Variants in AHI1 observed in about 807,000 individuals in gnomAD.
AHI1 encodes the protein Abelson helper integration site 1, also known as jouberin.
A neutral mutation model predicts 149.3 loss-of-function variants in AHI1; 123 were observed. The ratio of observed to expected loss-of-function variants is 0.82; its 90% CI spans 0.71 to 0.96. AHI1 has a LOEUF of 0.96. AHI1 is among the 40% of genes least tolerant of loss of function. AHI1 has a pLI of 0.00. For synonymous variants in AHI1, 475 were observed against 459.8 expected, an observed-to-expected ratio of 1.03 and a Z score of -0.42; for missense variants, 1,439 against 1,422.7, an observed-to-expected ratio of 1.01 and a Z score of -0.18.
chr6:135,298,338 A>C (rs1216096194), intron 27 of AHI1, among the ~76,000 whole-genome samples: 9 of 151,902 alleles, frequency 5.9e-5, no homozygotes, highest in Admixed American at 2.6e-4. Context: ...AAAAAAAAAA[A>C]AAAACAAAAA....
At chr6:135,468,194 G>A (rs1156873416) in intron 5 of AHI1, among the ~76,000 whole-genome samples, 1 of 151,862 alleles carries the variant, frequency 6.6e-6, no homozygotes, top group Non-Finnish European at 1.5e-5. Context: ...GGTAAATTAT[G>A]GTGCCACAGC....
chr6:135,332,407 A>C (rs1285871794), intron 24 of AHI1, among the ~76,000 whole-genome samples: 1 of 152,108 alleles, frequency 6.6e-6, no homozygotes, highest in Admixed American at 6.5e-5. Flanking sequence ...AGAAGACTTT[A>C]CTCTAGGGAT....
chr6:135,460,830 ACT>A (rs910419455), intron 8 of AHI1, among the ~76,000 whole-genome samples: 3 of 152,110 alleles, frequency 2.0e-5, no homozygotes, highest in Non-Finnish European at 2.9e-5. Flanking sequence ...GGAAAAAGAC[ACT>A]CTCTTCAGTA....
chr6:135,451,004 C>CT (rs1418429535), intron 11 of AHI1, among the ~76,000 whole-genome samples: 53 of 115,736 alleles, frequency 4.6e-4, no homozygotes, highest in Non-Finnish European at 3.0e-4. Flanking sequence ...ATGCCACTTC[C>CT]CTTTTTTTTT....
chr6:135,490,868 G>C lies in AHI1; in HGVS notation c.11-121C>G, dbSNP rs1795161512. The C allele has an allele frequency of 2.5e-6, 3 of 1,188,338 alleles. No homozygotes were observed. In the East Asian group the frequency reaches 7.3e-5, roughly 29 times the overall value. The allele number at this position is 1,188,338 out of a possible 1,614,324, so 73.6% of individuals were successfully genotyped here. A position where few individuals can be genotyped will look rare whatever the true frequency, so the allele number is the denominator to read the frequency against. On this transcript the variant is annotated intron_variant, in intron 4 of 28. Transcript: ENST00000265602. ...CGGCATGAGTTCTCTAGCTACATTA[G>C]AAAAACTCACCTATCTTTCCTTCTT...
chr6:135,441,797 GTGA>G (rs1184231069), intron 14 of AHI1, among the ~76,000 whole-genome samples: 1 of 151,946 alleles, frequency 6.6e-6, no homozygotes, highest in Non-Finnish European at 1.5e-5. Flanking sequence ...AACGACACAA[GTGA>G]TTTTTTATTT....
intron 7 of AHI1, among the ~76,000 whole-genome samples, chr6:135,463,997 T>C (rs1220352407): frequency 6.6e-6 from 1 of 152,144 alleles, no homozygotes; most frequent in Non-Finnish European, 1.5e-5. Flanking sequence ...GGTGAGTCAC[T>C]ACATTTTCAG....
At chr6:135,366,217 T>G (rs1488602543) in intron 23 of AHI1, among the ~76,000 whole-genome samples, 1 of 152,106 alleles carries the variant, frequency 6.6e-6, no homozygotes, top group Non-Finnish European at 1.5e-5. Flanking sequence ...GCATTTATGT[T>G]AATCAGGGAT....
chr6:135,382,098 T>C (rs1325960178), intron 23 of AHI1, among the ~76,000 whole-genome samples: 1 of 152,194 alleles, frequency 6.6e-6, no homozygotes, highest in Non-Finnish European at 1.5e-5. Context: ...TAGAGAAAGT[T>C]GAGGAAAAAA....
At chr6:135,351,623 C>T (rs889563827) in intron 24 of AHI1, among the ~76,000 whole-genome samples, 2 of 152,152 alleles carry the variant, frequency 1.3e-5, no homozygotes, top group Non-Finnish European at 2.9e-5. Context: ...TAGCTCAGAG[C>T]GGCCAGAGTG....
At chr6:135,377,194 T>C (rs1438532989) in intron 23 of AHI1, among the ~76,000 whole-genome samples, 4 of 152,060 alleles carry the variant, frequency 2.6e-5, no homozygotes, top group South Asian at 2.1e-4. Context: ...CTTTAGCAAA[T>C]GTATGATGAA....
At position 135,356,755 on chromosome 6, in the gene AHI1, T is replaced by C. The variant is rs1288364591; in HGVS notation, c.3165+1377A>G. On this transcript the variant is annotated intron_variant, in intron 24 of 28. Coordinates refer to ENST00000265602, the MANE Select transcript of AHI1 (RefSeq NM_001134831.2). ...TAAAGGATAACTGAAACATACATAC[T>C]ACAGTCAAGTTCTTTTTAATGATTA... Among the ~76,000 whole-genome samples, 60 of 152,168 alleles carry C rather than the reference T, an allele frequency of 3.9e-4. 3 individuals carry two copies. Among genetic ancestry groups the C allele is most frequent in the Non-Finnish European group, 2.9e-5 (2 of 68,028 alleles).
At chr6:135,466,399 A>G (rs1401332962) in intron 6 of AHI1, 26 bp from the exon 7 acceptor site, 2 of 1,584,952 alleles carry the variant, frequency 1.3e-6, no homozygotes, top group African/African-American at 2.7e-5. Context: ...ATGATAACAA[A>G]GTTTCAGTTA....
At chr6:135,407,266 T>C (rs761514313) in intron 21 of AHI1, among the ~76,000 whole-genome samples, 29 of 151,954 alleles carry the variant, frequency 1.9e-4, no homozygotes, top group Non-Finnish European at 3.7e-4. Flanking sequence ...ATTCCTATTG[T>C]AATAAAAAAT....
chr6:135,446,074 G>T (rs1161708514), intron 13 of AHI1, among the ~76,000 whole-genome samples: 2 of 151,736 alleles, frequency 1.3e-5, no homozygotes, highest in African/African-American at 4.8e-5. Context: ...AACAAAAAGA[G>T]AATGGGTCTT....
chr6:135,407,953 TGAACCCAGGAGGCA>T, intron 21 of AHI1, among the ~76,000 whole-genome samples: 1 of 151,744 alleles, frequency 6.6e-6, no homozygotes, highest in South Asian at 2.1e-4. Flanking sequence ...GAGAATGGCG[TGAACCCAGGAGGCA>T]GAGCTTGCAG....
chr6:135,414,432 T>C (rs1221153567), intron 20 of AHI1, among the ~76,000 whole-genome samples: 14 of 152,170 alleles, frequency 9.2e-5, no homozygotes, highest in Admixed American at 9.2e-4. Context: ...AAGAACAAGC[T>C]GATAATTTGA....
intron 14 of AHI1, 67 bp downstream of exon 14, chr6:135,442,515 T>A (rs941747468): frequency 4.8e-6 from 7 of 1,462,692 alleles, no homozygotes; most frequent in Non-Finnish European, 6.4e-6. Flanking sequence ...TCCATGAATT[T>A]AAAAAAACTA....
At chr6:135,335,096 T>C (rs1364017571) in intron 24 of AHI1, among the ~76,000 whole-genome samples, 1 of 152,234 alleles carries the variant, frequency 6.6e-6, no homozygotes, top group Non-Finnish European at 1.5e-5. Context: ...AATCTTAGAA[T>C]GTTACTGGCC....
Sources: gnomAD v4.1 joint callset for allele counts (sites outside exome capture counted in the v4.1 genomes callset) on GRCh38, gnomAD v4.1.1 for gene constraint, MANE v1.5 for transcripts, NCBI Gene and HGNC (gene_info 2026-07-23, HGNC 2026-07-21) for gene names.